SCARB1: variants seen among roughly 807,000 people sequenced by gnomAD.
The protein encoded by SCARB1 is CD36 and LIMPII analogous 1.
In SCARB1, 30 loss-of-function variants were observed where a neutral mutation model predicts 57.2. The ratio of observed to expected loss-of-function variants is 0.52; its 90% CI spans 0.39 to 0.71. SCARB1 has a LOEUF of 0.71. Ranked by LOEUF, SCARB1 falls within the 30% of genes least tolerant of loss-of-function variation. The pLI, the probability that SCARB1 is intolerant of heterozygous loss-of-function variation, is 0.00. For synonymous variants in SCARB1, 249 were observed against 268.3 expected, an observed-to-expected ratio of 0.93 and a Z score of 0.70; for missense variants, 543 against 671.2, an observed-to-expected ratio of 0.81 and a Z score of 2.11.
intron 6 of SCARB1, among the ~76,000 whole-genome samples, chr12:124,809,466 G>T (rs1041632730): frequency 1.3e-5 from 2 of 152,124 alleles, no homozygotes; most frequent in Non-Finnish European, 2.9e-5. Flanking sequence ...ATAGTAAAAA[G>T]TGGCCACACA....
rs1378166987 is a variant in SCARB1 at position 124,786,105 on chromosome 12, A to T, written c.1401+252T>A. 2.0e-6 allele frequency: 3 copies of T among 1,534,136 alleles called. No individual in the cohort carries two copies. The Admixed American group carries it at 5.9e-5, about 30-fold the overall frequency. The stretch of plus-strand genomic sequence containing the variant: ...TACCAGGTCTCATTACTCAAAGCCC[A>T]CCTGTGCCCCCTCCAAGGGAGGGTC... On this transcript the variant is annotated intron_variant, in intron 11 of 12. Coordinates refer to ENST00000261693, the MANE Select transcript of SCARB1 (RefSeq NM_005505.5).
intron 8 of SCARB1, among the ~76,000 whole-genome samples, chr12:124,798,324 T>C (rs1266320892): frequency 6.6e-6 from 1 of 151,512 alleles, no homozygotes; most frequent in African/African-American, 2.4e-5. Flanking sequence ...GGCAGGAGAA[T>C]TGCTTGAACC....
intron 12 of SCARB1, among the ~76,000 whole-genome samples, chr12:124,779,838 G>A (rs143843874): frequency 5.9e-5 from 9 of 152,294 alleles, no homozygotes; most frequent in African/African-American, 2.2e-4. Context: ...TCAGGGCAGA[G>A]AGCGGGCACA....
chr12:124,788,040 T>C (rs932329504), intron 9 of SCARB1, among the ~76,000 whole-genome samples: 5 of 152,150 alleles, frequency 3.3e-5, no homozygotes, highest in Non-Finnish European at 5.9e-5. Context: ...GGAAGAAGCA[T>C]AGTATATGCT....
In SCARB1 at chr12:124,789,955, G is replaced by A. The variant is rs1949661960; in HGVS notation, c.1203-2498C>T. ...GAACCAGGGAGTCAGAGGTTGCAGT[G>A]AGCGGAGATCATGCCATTGCACTCC... On this transcript the variant is annotated intron_variant, in intron 9 of 12. Transcript: ENST00000261693. The surrounding 1 kb of genome is among the most constrained non-coding windows in gnomAD (Gnocchi z 4.4). Among the ~76,000 whole-genome samples, 1 of 146,328 alleles carries A rather than the reference G, an allele frequency of 6.8e-6. No individual in the cohort carries two copies. Among genetic ancestry groups the A allele is most frequent in the South Asian group, 2.1e-4 (1 of 4,748 alleles).
At position 124,807,754 on chromosome 12, in the gene SCARB1, C is replaced by T. The variant is rs764268000; in HGVS notation, c.1009+7G>A. 1 of 1,614,078 alleles carries T rather than the reference C, an allele frequency of 6.2e-7. No individual in the cohort carries two copies. Among genetic ancestry groups the T allele is most frequent in the Non-Finnish European group, 8.5e-7 (1 of 1,180,000 alleles). On this transcript the variant is annotated splice_region_variant and intron_variant, in intron 7 of 12. Transcript: ENST00000261693. This position sits in a 1 kb window ranked among gnomAD's most constrained non-coding sequence, Gnocchi z 5.3. ...CCCGCCATCCCAGCACAGGGGACGG[C>T]ACGTACTGAACCTGCAGGTGCTGAC...
chr12:124,846,022 A>G (rs2135807134), intron 1 of SCARB1, among the ~76,000 whole-genome samples: 1 of 152,014 alleles, frequency 6.6e-6, no homozygotes, highest in South Asian at 2.1e-4. Flanking sequence ...AAAAAAAAAG[A>G]AAGAAAGAAA....
At position 124,814,437 on chromosome 12, in the gene SCARB1, C is replaced by G. The variant is rs1215979402; in HGVS notation, c.427-32G>C. 6.2e-7 allele frequency: 1 copy of G among 1,605,202 alleles called. No homozygotes were observed. Among genetic ancestry groups the G allele is most frequent in the Non-Finnish European group, 8.5e-7 (1 of 1,173,512 alleles). ...GGCGAAGGGACACTAGTGTCAGAGGCTGGACGTGGCTGGCCCATCCTCCCT... is the reference window on the plus strand; with the variant it reads ...GGCGAAGGGACACTAGTGTCAGAGGGTGGACGTGGCTGGCCCATCCTCCCT... On this transcript the variant is annotated intron_variant, in intron 3 of 12. Coordinates refer to ENST00000261693, the MANE Select transcript of SCARB1 (RefSeq NM_005505.5). The surrounding 1 kb of genome is among the most constrained non-coding windows in gnomAD (Gnocchi z 4.7).
intron 1 of SCARB1, among the ~76,000 whole-genome samples, chr12:124,847,566 C>T (rs376630257): frequency 6.6e-6 from 1 of 152,196 alleles, no homozygotes; most frequent in African/African-American, 2.4e-5. Flanking sequence ...CTTCCTGGCC[C>T]AGGGGATGAG....
intron 11 of SCARB1, chr12:124,783,054 A>C (rs1949375797): frequency 2.0e-6 from 1 of 491,146 alleles, no homozygotes; most frequent in African/African-American, 1.9e-5. Flanking sequence ...GGGCTCGTCC[A>C]CTTGAAAATT....
At chr12:124,835,714 G>A (rs907302504) in intron 1 of SCARB1, among the ~76,000 whole-genome samples, 19 of 152,186 alleles carry the variant, frequency 1.2e-4, no homozygotes, top group Non-Finnish European at 2.1e-4. Context: ...GCCAGATTTT[G>A]CCAGTAGATG....
rs774460407 is a variant in SCARB1, at chr12:124,807,532, T to C, written c.1009+229A>G. Among the ~76,000 whole-genome samples the C allele has an allele frequency of 1.3e-5, 2 of 152,176 alleles. No homozygotes were observed. Among genetic ancestry groups the C allele is most frequent in the African/African-American group, 2.4e-5 (1 of 41,438 alleles). On this transcript the variant is annotated intron_variant, in intron 7 of 12. Coordinates refer to ENST00000261693, the MANE Select transcript of SCARB1 (RefSeq NM_005505.5). The surrounding 1 kb of genome is among the most constrained non-coding windows in gnomAD (Gnocchi z 5.3). ...CTACAGAACTGCAAGATAACCAGTG[T>C]GTGTTGTTCTAAGCCCTGAAGTTCA... is the stretch of plus-strand genomic sequence containing the variant.
Position 124,863,849 on chromosome 12 carries a change from C to T in SCARB1, c.-129G>A. 8.5e-7 allele frequency: 1 copy of T among 1,182,398 alleles called. No individual in the cohort carries two copies. The highest frequency in any genetic ancestry group is 1.1e-6 in the Non-Finnish European group (1 of 909,182). The allele number at this position is 1,182,398 out of a possible 1,614,324, so 73.2% of individuals were successfully genotyped here. On this transcript the variant is annotated 5_prime_UTR_variant, in exon 1 of 13. Coordinates refer to ENST00000261693, the MANE Select transcript of SCARB1 (RefSeq NM_005505.5). ...CCGCAGAGGCACGGTGGATCCGGGACGGCAGCGCACGCAGGAGCAGCCCGG... is the reference window on the plus strand; with the variant it reads ...CCGCAGAGGCACGGTGGATCCGGGATGGCAGCGCACGCAGGAGCAGCCCGG...
At chr12:124,801,461 A>G (rs760423788) in intron 7 of SCARB1, among the ~76,000 whole-genome samples, 19 of 152,178 alleles carry the variant, frequency 1.2e-4, no homozygotes, top group Non-Finnish European at 2.2e-4. Context: ...TTGCCTCAGT[A>G]AGGAAAACAA....
At chr12:124,790,824 C>T (rs184803722) in intron 9 of SCARB1, among the ~76,000 whole-genome samples, 103 of 152,342 alleles carry the variant, frequency 6.8e-4, no homozygotes, top group African/African-American at 2.5e-3. Flanking sequence ...CACGTGCTCA[C>T]GTGGCAGGCC....
rs558888066 is a variant in SCARB1, at chr12:124,789,797, G to C, written c.1203-2340C>G. ...GGAGGCCGAGGCAGGTGGATCACAA[G>C]GTCAGGAGATTGAGACCATCCTGGG... On this transcript the variant is annotated intron_variant, in intron 9 of 12. Coordinates refer to ENST00000261693, the MANE Select transcript of SCARB1 (RefSeq NM_005505.5). The surrounding 1 kb of genome is among the most constrained non-coding windows in gnomAD (Gnocchi z 4.4). Among the ~76,000 whole-genome samples, 186 of 152,294 alleles carry C rather than the reference G, an allele frequency of 1.2e-3. 2 individuals carry two copies. The highest frequency in any genetic ancestry group is 4.0e-3 in the African/African-American group (166 of 41,560).
Position 124,810,419 on chromosome 12 carries a change from G to C in SCARB1, c.727-130C>G. On this transcript the variant is annotated intron_variant, in intron 5 of 12. Coordinates refer to ENST00000261693, the MANE Select transcript of SCARB1 (RefSeq NM_005505.5). This position sits in a 1 kb window ranked among gnomAD's most constrained non-coding sequence, Gnocchi z 4.0. The stretch of plus-strand genomic sequence containing the variant: ...TCAATTCCCAATACTGGCACGGTGG[G>C]AAGAGGGCAGGCTATGTAGACACAC... 1 of 700,980 alleles carries C rather than the reference G, an allele frequency of 1.4e-6. No homozygotes were observed. Among genetic ancestry groups the C allele is most frequent in the Non-Finnish European group, 2.6e-6 (1 of 383,882 alleles). 43.4% of individuals were successfully genotyped at this position (700,980 alleles called of 1,614,324 possible). A position where few individuals can be genotyped will look rare whatever the true frequency, so the allele number is the denominator to read the frequency against.
intron 11 of SCARB1, chr12:124,784,690 G>C (rs1245396592): frequency 6.6e-6 from 1 of 152,460 alleles, no homozygotes; most frequent in East Asian, 1.9e-4. Flanking sequence ...AGAAGGCCTC[G>C]GCCTGTGGCC....
intron 1 of SCARB1, among the ~76,000 whole-genome samples, chr12:124,844,644 G>C (rs550989028): frequency 3.9e-5 from 6 of 152,058 alleles, no homozygotes; most frequent in African/African-American, 7.2e-5. Context: ...GAGAGTCACC[G>C]GGGATGTGCG....
Sources: gnomAD v4.1 joint callset for allele counts (sites outside exome capture counted in the v4.1 genomes callset) on GRCh38, gnomAD v4.1.1 for gene constraint, Gnocchi (gnomAD v3.1) non-coding constraint, MANE v1.5 for transcripts, NCBI Gene and HGNC (gene_info 2026-07-23, HGNC 2026-07-21) for gene names.